The following ZNF57 variants were observed in gnomAD, a reference collection of about 807,000 sequenced individuals.
The protein encoded by ZNF57 is zinc finger protein 57, also known as zinc finger protein 424.
A neutral mutation model predicts 13.4 loss-of-function variants in ZNF57; 11 were observed. The ratio of observed to expected loss-of-function variants is 0.82; its 90% CI spans 0.52 to 1.36. The LOEUF (loss-of-function observed/expected upper bound fraction) is 1.36. Ranked by LOEUF, ZNF57 falls within the 40% of genes most tolerant of loss-of-function variation. The pLI is 0.00. For missense variants in ZNF57, 696 were observed against 667.5 expected (o/e 1.04, Z -0.47); for synonymous variants, 224 against 238.5 (o/e 0.94, Z 0.56).
rs180888737 is a variant in ZNF57, at chr19:2,915,836, G to C, written c.130+188G>C. ...TGAAACAGATGTTATTTCTGTCTTG[G>C]TTTAAAGGACTTGAAGTTCCTTTAG... On this transcript the variant is annotated intron_variant, in intron 2 of 3. Transcript: ENST00000306908. 2.7e-6 allele frequency: 3 copies of C among 1,113,520 alleles called. No individual in the cohort carries two copies. In the Admixed American group the frequency reaches 6.0e-5, roughly 22 times the overall value. 69.0% of individuals were successfully genotyped at this position (1,113,520 alleles called of 1,614,324 possible).
In ZNF57 at chr19:2,917,645, G is replaced by A. The variant is rs761033042; in HGVS notation, c.1024G>A (p.Gly342Arg). The A allele has an allele frequency of 3.1e-6, 5 of 1,613,774 alleles. No individual in the cohort carries two copies. Among genetic ancestry groups the A allele is most frequent in the Middle Eastern group, 1.7e-4 (1 of 6,060 alleles). Reference sequence around the variant, plus strand: ...CAAACTCTATAAATGTGAACACTGTGGGAAGGCTTTTACCTCTTCCAGATC... The same window carrying A: ...CAAACTCTATAAATGTGAACACTGTAGGAAGGCTTTTACCTCTTCCAGATC... ...GDKLYKCEHC[G>R]KAFTSSRSFQ... The change falls in exon 4 of 4, where the codon GGG (glycine) becomes AGG (arginine). Residue 342 changes from glycine (G) to arginine (R), a missense_variant. Physicochemically the swap from Gly to Arg is moderately radical, Grantham distance 125. Transcript: ENST00000306908.
At chr19:2,909,333 T>G (rs1195937904) in intron 1 of ZNF57, among the ~76,000 whole-genome samples, 1 of 84,226 alleles carries the variant, frequency 1.2e-5, no homozygotes, top group Non-Finnish European at 2.6e-5. Context: ...CAGGCTGGAG[T>G]GCAGTGGCGC....
Position 2,917,380 on chromosome 19 carries a change from A to C in ZNF57, c.759A>C (p.Lys253Asn). 6.2e-7 allele frequency: 1 copy of C among 1,614,232 alleles called. No individual in the cohort carries two copies. The highest frequency in any genetic ancestry group is 8.5e-7 in the Non-Finnish European group (1 of 1,180,040). The change falls in exon 4 of 4, where the codon AAA becomes AAC. Residue 253 changes from lysine to asparagine, a missense_variant. Transcript: ENST00000306908. ...CTCACACAAAAGACAGGCCATATAA[A>C]TGTCAGGAATGTGGGAGAGCCTTCA... ...VRTHTKDRPY[K>N]CQECGRAFIY...
rs1298798561 is a variant in ZNF57 at position 2,918,066 on chromosome 19, G to A, written c.1445G>A (p.Gly482Glu). Residue 482 changes from glycine (G) to glutamate (E), a missense_variant, in exon 4 of 4, where the codon GGA becomes GAA. This residue lies in a region of ZNF57 where 645 missense variants were observed against 591.5 expected (regional missense o/e 1.09). Transcript: ENST00000306908. ...GEKPYECKQC[G>E]KTFTWSSTLH... is the part of the protein sequence containing the mutation. ...AAGCCTTATGAGTGTAAACAATGTG[G>A]AAAAACCTTCACTTGGTCCTCAACC... is the stretch of plus-strand genomic sequence containing the variant. 1.9e-6 allele frequency: 3 copies of A among 1,614,022 alleles called. No homozygotes were observed. The highest frequency in any genetic ancestry group is 2.5e-6 in the Non-Finnish European group (3 of 1,180,014).
At chr19:2,915,887 A>G in intron 2 of ZNF57, 191 bp from the exon 3 acceptor site, 1 of 914,816 alleles carries the variant, frequency 1.1e-6, no homozygotes, top group South Asian at 1.6e-5. Context: ...TATAGATTTC[A>G]CTGGTCATTT....
At chr19:2,908,625 G>A (rs985620912) in intron 1 of ZNF57, among the ~76,000 whole-genome samples, 2 of 151,712 alleles carry the variant, frequency 1.3e-5, no homozygotes, top group African/African-American at 4.8e-5. Flanking sequence ...GGATGATCTC[G>A]ACCTCCTGAC....
rs752256816 is a variant in ZNF57, at chr19:2,917,684, T to G, written c.1063T>G (p.Leu355Val). Reference protein sequence around the residue: ...FTSSRSFQGHLRTHTGEKPYE... With the variant: ...FTSSRSFQGHVRTHTGEKPYE... ...CTCTTCCAGATCATTCCAAGGTCATTTGAGGACGCACACTGGAGAGAAACC... is the reference window on the plus strand; with the variant it reads ...CTCTTCCAGATCATTCCAAGGTCATGTGAGGACGCACACTGGAGAGAAACC... Residue 355 changes from leucine to valine, a missense_variant, in exon 4 of 4, where the codon TTG becomes GTG. Leu to Val is a conservative substitution (Grantham distance 32). Transcript: ENST00000306908. 22 of 1,613,008 alleles carry G rather than the reference T, an allele frequency of 1.4e-5. No individual in the cohort carries two copies. The African/African-American group carries it at 2.8e-4, about 21-fold the overall frequency.
chr19:2,916,149 G>A lies in ZNF57; in HGVS notation c.202G>A (p.Glu68Lys). The A allele has an allele frequency of 1.2e-6, 2 of 1,613,864 alleles. No individual in the cohort carries two copies. The highest frequency in any genetic ancestry group is 2.2e-5 in the South Asian group (2 of 91,076). ...TATGTACGGGCAAGAAAAATCTAAG[G>A]AACAGACAATACCAAACTTCACAGG... ...QDMYGQEKSK[E>K]QTIPNFTGNN... Residue 68 changes from glutamate (E) to lysine (K), a missense_variant, in exon 3 of 4, where the codon GAA becomes AAA. Physicochemically the swap from Glu to Lys is moderately conservative, Grantham distance 56. This residue lies in a region of ZNF57 where 645 missense variants were observed against 591.5 expected (regional missense o/e 1.09). Coordinates refer to ENST00000306908, the MANE Select transcript of ZNF57 (RefSeq NM_173480.3).
intron 2 of ZNF57, 139 bp from the exon 3 acceptor site, chr19:2,915,939 T>G (rs749635488): frequency 9.8e-7 from 1 of 1,021,704 alleles, no homozygotes; most frequent in Non-Finnish European, 1.4e-6. Context: ...TGTGACTTAC[T>G]GTGTTTGTGA....
chr19:2,903,917 C>G (rs1259504738), intron 1 of ZNF57, among the ~76,000 whole-genome samples: 4 of 152,136 alleles, frequency 2.6e-5, no homozygotes, highest in Admixed American at 6.5e-5. Context: ...GGGTTTCACC[C>G]TGTTAGCCAG....
At chr19:2,901,911 C>T (rs1222287804) in intron 1 of ZNF57, among the ~76,000 whole-genome samples, 1 of 151,932 alleles carries the variant, frequency 6.6e-6, no homozygotes, top group Admixed American at 6.6e-5. Context: ...TTCTCAAGGG[C>T]GGCGACGATG....
chr19:2,904,141 G>A lies in ZNF57; in HGVS notation c.3+3093G>A, dbSNP rs375568078. ...GCCTCCCAAAGTGCTGGGATTACAA[G>A]CATGGGCCACTGCACCTGGCCTGAA... On this transcript the variant is annotated intron_variant, in intron 1 of 3. Transcript: ENST00000306908. 9.8e-5 allele frequency among the ~76,000 whole-genome samples: 15 copies of A among 152,306 alleles called. No individual in the cohort carries two copies. In the South Asian group the frequency reaches 2.1e-3, roughly 21 times the overall value.
rs2088192110 is a variant in ZNF57, at chr19:2,916,166, C to G, written c.219C>G (p.Asn73Lys). ...QEKSKEQTIP[N>K]FTGNNSCAYT... ...AATCTAAGGAACAGACAATACCAAA[C>G]TTCACAGGAAATAATTCCTGTGCCT... Residue 73 changes from asparagine to lysine, a missense_variant, in exon 3 of 4, where the codon AAC becomes AAG. Asn to Lys is a moderately conservative substitution (Grantham distance 94). This residue lies in a region of ZNF57 where 645 missense variants were observed against 591.5 expected (regional missense o/e 1.09). Coordinates refer to ENST00000306908, the MANE Select transcript of ZNF57 (RefSeq NM_173480.3). 3 of 1,614,042 alleles carry G rather than the reference C, an allele frequency of 1.9e-6. No homozygotes were observed. In the African/African-American group the frequency reaches 4.0e-5, roughly 22 times the overall value.
intron 1 of ZNF57, among the ~76,000 whole-genome samples, chr19:2,906,942 C>CAGA (rs1385262271): frequency 6.6e-6 from 1 of 151,886 alleles, no homozygotes; most frequent in East Asian, 1.9e-4. Context: ...TGTCTTGCAC[C>CAGA]AGATCCCCAT....
At chr19:2,915,765 A>G in intron 2 of ZNF57, 117 bp downstream of exon 2, 1 of 1,458,368 alleles carries the variant, frequency 6.9e-7, no homozygotes, top group Non-Finnish European at 9.6e-7. Context: ...CACAGCCACC[A>G]TGGACCTAGA....
At position 2,901,023 on chromosome 19, in the gene ZNF57, G is replaced by T; in HGVS notation, c.-23G>T. ...GCGAGGCCACGGAGAGCTCGCCTTG[G>T]AGAGCCCAGGAGCAGGGGAGACATG... On this transcript the variant is annotated 5_prime_UTR_variant, in exon 1 of 4. Coordinates refer to ENST00000306908, the MANE Select transcript of ZNF57 (RefSeq NM_173480.3). 6.4e-7 allele frequency: 1 copy of T among 1,558,730 alleles called. No individual in the cohort carries two copies. Among genetic ancestry groups the T allele is most frequent in the Non-Finnish European group, 8.7e-7 (1 of 1,150,560 alleles).
At chr19:2,907,400 C>T (rs554793149) in intron 1 of ZNF57, among the ~76,000 whole-genome samples, 5 of 152,252 alleles carry the variant, frequency 3.3e-5, no homozygotes, top group Middle Eastern at 3.4e-3. Flanking sequence ...CTTCCGAAAG[C>T]GCAAATTAAA....
intron 1 of ZNF57, among the ~76,000 whole-genome samples, chr19:2,906,879 G>A (rs2088080463): frequency 6.6e-6 from 1 of 152,200 alleles, no homozygotes; most frequent in Non-Finnish European, 1.5e-5. Context: ...GAGGCACAGG[G>A]CCCGTGGGAG....
At position 2,917,434 on chromosome 19, in the gene ZNF57, G is replaced by T. The variant is rs1414079235; in HGVS notation, c.813G>T (p.Met271Ile). The T allele has an allele frequency of 1.9e-6, 3 of 1,614,166 alleles. No individual in the cohort carries two copies. Among genetic ancestry groups the T allele is most frequent in the Non-Finnish European group, 2.5e-6 (3 of 1,180,038 alleles). Residue 271 changes from methionine to isoleucine, a missense_variant, in exon 4 of 4, where the codon ATG (methionine) becomes ATT (isoleucine). By Grantham distance (10) the Met-to-Ile change is conservative. This residue lies in a region of ZNF57 where 645 missense variants were observed against 591.5 expected (regional missense o/e 1.09). Transcript: ENST00000306908. ...FIYPSTFQRH[M>I]TTHTGEKPYK... ...ATCCCTCGACATTTCAAAGACACAT[G>T]ACAACACACACTGGAGAGAAGCCCT...
Sources: gnomAD v4.1 joint callset for allele counts (sites outside exome capture counted in the v4.1 genomes callset) on GRCh38, gnomAD v4.1.1 for gene constraint, gnomAD v4.1.1 regional missense constraint, MANE v1.5 for transcripts, NCBI Gene and HGNC (gene_info 2026-07-23, HGNC 2026-07-21) for gene names.